RAB27A: variants seen among roughly 807,000 people sequenced by gnomAD.
RAB27A encodes RAB27A, member RAS oncogene family, also known as ras-related protein Rab-27A.
A neutral mutation model predicts 20.8 loss-of-function variants in RAB27A; 17 were observed. The observed-to-expected ratio is 0.82, with a 90% confidence interval of 0.56 to 1.23. RAB27A has a LOEUF of 1.23. Ranked by LOEUF, RAB27A falls within the 50% of genes most tolerant of loss-of-function variation. The probability of loss-of-function intolerance (pLI) is 0.00; values close to 1 mark genes in which losing one functional copy is unlikely to be tolerated. For missense variants in RAB27A, 277 were observed against 266.7 expected, an observed-to-expected ratio of 1.04 and a Z score of -0.27; for synonymous variants, 85 against 92.8, an observed-to-expected ratio of 0.92 and a Z score of 0.48.
At chr15:55,300,257 C>T (rs1032316037) in intron 2 of RAB27A, among the ~76,000 whole-genome samples, 25 of 152,034 alleles carry the variant, frequency 1.6e-4, no homozygotes, top group Non-Finnish European at 2.9e-4. Flanking sequence ...AATATGCTTG[C>T]GTGTGTGTAT....
intron 3 of RAB27A, among the ~76,000 whole-genome samples, chr15:55,234,212 G>T (rs1167505700): frequency 6.6e-6 from 1 of 152,014 alleles, no homozygotes; most frequent in Non-Finnish European, 1.5e-5. Context: ...TCCAACACTA[G>T]AATAACTTTC....
chr15:55,283,463 T>C (rs918158788), intron 1 of RAB27A, among the ~76,000 whole-genome samples: 1 of 152,142 alleles, frequency 6.6e-6, no homozygotes, highest in Non-Finnish European at 1.5e-5. Flanking sequence ...CACAACCCAC[T>C]TCACTACACA....
At chr15:55,293,608 A>T (rs1463236086), upstream of RAB27A, among the ~76,000 whole-genome samples, 1 of 152,132 alleles carries the variant, frequency 6.6e-6, no homozygotes, top group African/African-American at 2.4e-5. Flanking sequence ...CTGAAAAAAA[A>T]AGAAAATCTA....
At chr15:55,231,634 G>T (rs1189466807) in intron 3 of RAB27A, among the ~76,000 whole-genome samples, 1 of 152,126 alleles carries the variant, frequency 6.6e-6, no homozygotes, top group Non-Finnish European at 1.5e-5. Context: ...AAATGTGGTT[G>T]TTGTGAAAAC....
At chr15:55,217,663 CAAAAAAAAAAAAAAAAAAAAA>C (rs199813098) in intron 6 of RAB27A, among the ~76,000 whole-genome samples, 13,732 of 45,350 alleles carry the variant, frequency 0.3, 1,085 homozygotes, top group South Asian at 0.48. Context: ...CACTCCATCT[CAAAAAAAAAAAAAAAAAAAAA>C]AAAAAAAAAA....
intron 6 of RAB27A, among the ~76,000 whole-genome samples, chr15:55,222,930 C>T (rs191332567): frequency 6.6e-6 from 1 of 152,130 alleles, no homozygotes; most frequent in Non-Finnish European, 1.5e-5. Context: ...TTAGAGGCAC[C>T]CTTAACACTT....
At chr15:55,308,097 T>C (rs1465222015) in intron 2 of RAB27A, among the ~76,000 whole-genome samples, 1 of 152,212 alleles carries the variant, frequency 6.6e-6, no homozygotes, top group Non-Finnish European at 1.5e-5. Flanking sequence ...TACCCCATAC[T>C]ACGGGTCCTT....
At chr15:55,303,887 G>A (rs1297225852) in intron 2 of RAB27A, among the ~76,000 whole-genome samples, 2 of 144,826 alleles carry the variant, frequency 1.4e-5, no homozygotes, top group African/African-American at 5.4e-5. Context: ...GGGAGGTGAG[G>A]GGCGCCTCTG....
chr15:55,312,476 T>C (rs2055025776), intron 2 of RAB27A, among the ~76,000 whole-genome samples: 1 of 152,190 alleles, frequency 6.6e-6, no homozygotes, highest in Non-Finnish European at 1.5e-5. Flanking sequence ...ACTGCCAAAC[T>C]TTCCCAAAGT....
chr15:55,261,818 T>A (rs1168376206), intron 2 of RAB27A, among the ~76,000 whole-genome samples: 1 of 149,976 alleles, frequency 6.7e-6, no homozygotes, highest in East Asian at 2.0e-4. Context: ...GGTGGGTGGA[T>A]CATGAGGTCA....
Position 55,279,888 on chromosome 15 carries a change from G to A in RAB27A, c.-142-9604C>T, listed in dbSNP as rs993159764. On this transcript the variant is annotated intron_variant, in intron 1 of 6. Coordinates refer to ENST00000336787, the MANE Select transcript of RAB27A (RefSeq NM_183235.3). ...GTCAGCAGCCTTAACCAGCGATTGAGTCATGAAATGTACTTGTAGACAGTG... is the reference window on the plus strand; with the variant it reads ...GTCAGCAGCCTTAACCAGCGATTGAATCATGAAATGTACTTGTAGACAGTG... Among the ~76,000 whole-genome samples, 7 of 152,142 alleles carry A rather than the reference G, an allele frequency of 4.6e-5. No individual in the cohort carries two copies. The South Asian group carries it at 8.3e-4, about 18-fold the overall frequency.
chr15:55,261,357 A>G (rs1595727588), intron 2 of RAB27A, among the ~76,000 whole-genome samples: 1 of 152,034 alleles, frequency 6.6e-6, no homozygotes. Flanking sequence ...TGATCGTGCC[A>G]CTGCACTCCA....
At chr15:55,261,103 A>G (rs983374486) in intron 2 of RAB27A, among the ~76,000 whole-genome samples, 7 of 152,100 alleles carry the variant, frequency 4.6e-5, no homozygotes, top group African/African-American at 1.2e-4. Context: ...TGCTCTAAAA[A>G]CTAAAACTCG....
chr15:55,308,024 C>T (rs1053277978), intron 2 of RAB27A, among the ~76,000 whole-genome samples: 1 of 152,104 alleles, frequency 6.6e-6, no homozygotes, highest in Non-Finnish European at 1.5e-5. Flanking sequence ...AAACTATGTC[C>T]TCGTGAGGTT....
At chr15:55,298,257 G>A (rs944883422) in intron 2 of RAB27A, among the ~76,000 whole-genome samples, 5 of 150,554 alleles carry the variant, frequency 3.3e-5, no homozygotes, top group East Asian at 1.9e-4. Flanking sequence ...AACCTGCCCC[G>A]ATAGTCACAT....
intron 6 of RAB27A, among the ~76,000 whole-genome samples, chr15:55,214,152 T>TA: frequency 6.6e-6 from 1 of 152,192 alleles, no homozygotes; most frequent in African/African-American, 2.4e-5. Flanking sequence ...AAAAACTGGT[T>TA]GAGGCCGGGC....
rs561030455 is a variant in RAB27A, at chr15:55,235,004, T to C, written c.-22-48A>G. 45 of 1,398,440 alleles carry C rather than the reference T, an allele frequency of 3.2e-5. No individual in the cohort carries two copies. In the South Asian group the frequency reaches 5.5e-4, roughly 17 times the overall value. The allele number at this position is 1,398,440 out of a possible 1,614,324, so 86.6% of individuals were successfully genotyped here. On this transcript the variant is annotated intron_variant, in intron 2 of 6. Transcript: ENST00000336787. ...TTTAATTAAAATCCATTAGAAAACA[T>C]TAATTATCCATTTAAAAAGTGACAA...
chr15:55,262,305 G>A (rs1248900056), intron 2 of RAB27A, among the ~76,000 whole-genome samples: 4 of 152,094 alleles, frequency 2.6e-5, no homozygotes, highest in Middle Eastern at 3.4e-3. Flanking sequence ...AATTTGGGAG[G>A]CCAAGGTGGG....
Position 55,318,990 on chromosome 15 carries a change from G to A in RAB27A, c.-293C>T, listed in dbSNP as rs748861692. The A allele has an allele frequency of 1.8e-5, 8 of 441,436 alleles. No individual in the cohort carries two copies. The Admixed American group carries it at 1.9e-4, about 10-fold the overall frequency. The allele number at this position is 441,436 out of a possible 1,614,324, so 27.3% of individuals were successfully genotyped here. A position where few individuals can be genotyped will look rare whatever the true frequency, so the allele number is the denominator to read the frequency against. On this transcript the variant is annotated 5_prime_UTR_variant, in exon 1 of 6. Coordinates refer to the RAB27A transcript ENST00000563262. ...ACTCGCTACCGCCTGCTCCCCTCCA[G>A]AGACCGGGGGCCTTCCAGCAGTTTT...
Sources: gnomAD v4.1 joint callset for allele counts (sites outside exome capture counted in the v4.1 genomes callset) on GRCh38, gnomAD v4.1.1 for gene constraint, MANE v1.5 for transcripts, NCBI Gene and HGNC (gene_info 2026-07-23, HGNC 2026-07-21) for gene names.